Variants in NCKAP5L observed in about 807,000 individuals in gnomAD.
NCKAP5L encodes nck-associated protein 5-like.
In NCKAP5L, 54 loss-of-function variants were observed where a neutral mutation model predicts 103.2. The ratio of observed to expected loss-of-function variants is 0.52; its 90% CI spans 0.42 to 0.66. The LOEUF is 0.66. Among genes scored for constraint, NCKAP5L ranks in the 30% least tolerant of loss-of-function variants. The pLI is 0.00. For synonymous variants in NCKAP5L, 762 were observed against 748.6 expected (o/e 1.02, Z -0.29); for missense variants, 1,733 against 1,750.6 (o/e 0.99, Z 0.18).
intron 6 of NCKAP5L, 58 bp from the exon 7 acceptor site, chr12:49,798,521 C>T (rs1416623470): frequency 1.4e-6 from 2 of 1,403,586 alleles, no homozygotes; most frequent in Non-Finnish European, 2.0e-6. Context: ...TCCCTACTCC[C>T]TCGCAAAGCC....
At chr12:49,815,119 G>A (rs1030090784) in intron 1 of NCKAP5L, among the ~76,000 whole-genome samples, 1 of 152,122 alleles carries the variant, frequency 6.6e-6, no homozygotes, top group African/African-American at 2.4e-5. Flanking sequence ...TCTATTAATT[G>A]GTTTCTCCAT....
At position 49,803,938 on chromosome 12, in the gene NCKAP5L, C is replaced by T. The variant is rs747242392; in HGVS notation, c.107G>A (p.Arg36Gln). Residue 36 changes from arginine to glutamine, a missense_variant, in exon 3 of 13, where the codon CGA (arginine) becomes CAA (glutamine). Transcript: ENST00000335999. Reference sequence around the variant, plus strand: ...ATGCCGCACCTCCAGCTCCCGCAGTCGGTGCAGAAGCTCCTGGCAGGTGCC... The same window carrying T: ...ATGCCGCACCTCCAGCTCCCGCAGTTGGTGCAGAAGCTCCTGGCAGGTGCC... ...EPGTCQELLHRLRELEAENSA... is the reference protein window; with the variant it reads ...EPGTCQELLHQLRELEAENSA... The T allele has an allele frequency of 3.7e-6, 6 of 1,609,264 alleles. No homozygotes were observed. The highest frequency in any genetic ancestry group is 5.1e-6 in the Non-Finnish European group (6 of 1,179,878).
Position 49,803,714 on chromosome 12 carries a change from G to A in NCKAP5L, c.123+208C>T, listed in dbSNP as rs2720290. Among the ~76,000 whole-genome samples, 9 of 152,292 alleles carry A rather than the reference G, an allele frequency of 5.9e-5. No individual in the cohort carries two copies. The East Asian group carries it at 7.7e-4, about 13-fold the overall frequency. ...TGTGCATGCTTCTTGTCCCCGAGCCGTCACTGGGCCGGGCAGCTAAGAGCA... is the reference window on the plus strand; with the variant it reads ...TGTGCATGCTTCTTGTCCCCGAGCCATCACTGGGCCGGGCAGCTAAGAGCA... On this transcript the variant is annotated intron_variant, in intron 3 of 12. Coordinates refer to ENST00000335999, the MANE Select transcript of NCKAP5L (RefSeq NM_001037806.4).
rs554867632 is a variant in NCKAP5L at position 49,806,519 on chromosome 12, A to G, written c.-98-478T>C. On this transcript the variant is annotated intron_variant, in intron 1 of 12. Transcript: ENST00000335999. ...CACACTGTGTTTACCCAGTGTGATG[A>G]ATAGCACAGGCGCTTTCTTCCACAC... Among the ~76,000 whole-genome samples, 42 of 152,368 alleles carry G rather than the reference A, an allele frequency of 2.8e-4. No homozygotes were observed. In the South Asian group the frequency reaches 8.7e-3, roughly 32 times the overall value.
In NCKAP5L at chr12:49,792,990, G is replaced by T; in HGVS notation, c.3341-4C>A. 6.6e-7 allele frequency: 1 copy of T among 1,516,354 alleles called. No individual in the cohort carries two copies. Among genetic ancestry groups the T allele is most frequent in the East Asian group, 2.3e-5 (1 of 43,916 alleles). 93.9% of individuals were successfully genotyped at this position (1,516,354 alleles called of 1,614,324 possible). On this transcript the variant is annotated splice_region_variant and splice_polypyrimidine_tract_variant and intron_variant, in intron 10 of 12. Coordinates refer to ENST00000335999, the MANE Select transcript of NCKAP5L (RefSeq NM_001037806.4). The surrounding 1 kb of genome is among the most constrained non-coding windows in gnomAD (Gnocchi z 4.5). ...GTTCGAGTCAAGGAGCCACAGGCTG[G>T]GGAGGGGAGGGGAGGGCCCGTTAAG...
rs201751148 is a variant in NCKAP5L, at chr12:49,796,655, G to T, written c.1205C>A (p.Pro402His). Residue 402 changes from proline to histidine, a missense_variant, in exon 8 of 13, where the codon CCC becomes CAC. Transcript: ENST00000335999. ...CATGAACATGCTAAGGAAGGGGAGG[G>T]GCCCCTGGCCCTCTGAGGTAGCACC... is the stretch of plus-strand genomic sequence containing the variant. The part of the protein sequence containing the change: ...GFGATSEGQG[P>H]LPFLSMFMGA... 1.1e-4 allele frequency: 176 copies of T among 1,580,408 alleles called. No individual in the cohort carries two copies. In the African/African-American group the frequency reaches 2.0e-3, roughly 18 times the overall value.
chr12:49,796,086 G>A lies in NCKAP5L; in HGVS notation c.1774C>T (p.Pro592Ser). The A allele has an allele frequency of 6.2e-6, 10 of 1,602,410 alleles. No homozygotes were observed. Among genetic ancestry groups the A allele is most frequent in the Non-Finnish European group, 8.5e-6 (10 of 1,174,840 alleles). ...PTYPQLTLEV[P>S]QAPEVLRSPG... ...CTTCTGAGGACCTCAGGGGCCTGTG[G>A]TACCTCCAGAGTTAGCTGTGGGTAG... The change falls in exon 8 of 13, where the codon CCA becomes TCA. Residue 592 changes from proline to serine, a missense_variant. Physicochemically the swap from Pro to Ser is moderately conservative, Grantham distance 74. Transcript: ENST00000335999.
chr12:49,798,796 C>T (rs1592750868), intron 6 of NCKAP5L, among the ~76,000 whole-genome samples: 2 of 152,310 alleles, frequency 1.3e-5, no homozygotes, highest in African/African-American at 4.8e-5. Flanking sequence ...TTCCTCTCCT[C>T]TCACAAAGAG....
At chr12:49,821,565 T>G (rs1341514145) in intron 1 of NCKAP5L, among the ~76,000 whole-genome samples, 2 of 152,230 alleles carry the variant, frequency 1.3e-5, no homozygotes, top group Non-Finnish European at 2.9e-5. Flanking sequence ...CCAGCATGTG[T>G]GCCATGTCAT....
At chr12:49,823,122 T>G (rs1267571212) in intron 1 of NCKAP5L, among the ~76,000 whole-genome samples, 1 of 152,048 alleles carries the variant, frequency 6.6e-6, no homozygotes, top group Non-Finnish European at 1.5e-5. Context: ...GGCTGTGGTG[T>G]GAGCATGGTA....
chr12:49,793,994 C>T lies in NCKAP5L; in HGVS notation c.3096-98G>A, dbSNP rs1321236004. On this transcript the variant is annotated intron_variant, in intron 8 of 12. Coordinates refer to ENST00000335999, the MANE Select transcript of NCKAP5L (RefSeq NM_001037806.4). The stretch of plus-strand genomic sequence containing the variant: ...TGGTGCTGGGCTTAGGGAGGCACTT[C>T]CTGCCATCCACCCCCGGGGAAGGGG... The T allele has an allele frequency of 7.9e-6, 9 of 1,138,032 alleles. No homozygotes were observed. In the African/African-American group the frequency reaches 1.3e-4, roughly 16 times the overall value. 70.5% of individuals were successfully genotyped at this position (1,138,032 alleles called of 1,614,324 possible).
At chr12:49,817,510 AG>A (rs1246177980) in intron 1 of NCKAP5L, among the ~76,000 whole-genome samples, 2 of 152,180 alleles carry the variant, frequency 1.3e-5, no homozygotes, top group African/African-American at 4.8e-5. Flanking sequence ...GCTGAGCAAA[AG>A]TTTGTTCTTG....
chr12:49,796,116 G>C lies in NCKAP5L; in HGVS notation c.1744C>G (p.Pro582Ala). The C allele has an allele frequency of 6.2e-7, 1 of 1,610,706 alleles. No individual in the cohort carries two copies. Among genetic ancestry groups the C allele is most frequent in the Non-Finnish European group, 8.5e-7 (1 of 1,178,648 alleles). Reference sequence around the variant, plus strand: ...TCCAGAGTTAGCTGTGGGTAGGTGGGCACCTGCAGTGGGGATGGAGGTGGC... The same window carrying C: ...TCCAGAGTTAGCTGTGGGTAGGTGGCCACCTGCAGTGGGGATGGAGGTGGC... ...PEPPPSPLQV[P>A]TYPQLTLEVP... Residue 582 changes from proline (P) to alanine (A), a missense_variant, in exon 8 of 13, where the codon CCC becomes GCC. Coordinates refer to ENST00000335999, the MANE Select transcript of NCKAP5L (RefSeq NM_001037806.4).
At chr12:49,801,113 G>A (rs149985059) in intron 6 of NCKAP5L, among the ~76,000 whole-genome samples, 19 of 152,304 alleles carry the variant, frequency 1.2e-4, no homozygotes, top group African/African-American at 4.3e-4. Flanking sequence ...GGGGCTGGGG[G>A]CCAAGAGCTG....
chr12:49,817,893 C>T (rs1565596079), intron 1 of NCKAP5L, among the ~76,000 whole-genome samples: 1 of 152,178 alleles, frequency 6.6e-6, no homozygotes, highest in Non-Finnish European at 1.5e-5. Flanking sequence ...CTTTGGGAGG[C>T]CAAGGCAGGC....
chr12:49,818,832 C>A (rs1023750198), intron 1 of NCKAP5L, among the ~76,000 whole-genome samples: 7 of 152,074 alleles, frequency 4.6e-5, no homozygotes, highest in Non-Finnish European at 8.8e-5. Context: ...GAAAAGGGAA[C>A]CCTTGTACAC....
At chr12:49,806,741 C>T (rs61691368) in intron 1 of NCKAP5L, among the ~76,000 whole-genome samples, 7,281 of 152,268 alleles carry the variant, frequency 0.048, 323 homozygotes, top group African/African-American at 0.12. Flanking sequence ...ATTTAAGCTC[C>T]GTACAGCCCT....
At chr12:49,803,612 A>G (rs1365222364) in intron 3 of NCKAP5L, among the ~76,000 whole-genome samples, 13 of 151,974 alleles carry the variant, frequency 8.6e-5, no homozygotes, top group Admixed American at 6.5e-4. Context: ...GTGGCCTCTG[A>G]CCACCCCCTT....
At chr12:49,804,213 T>C (rs1206464762) in intron 2 of NCKAP5L, 133 bp from the exon 3 acceptor site, 11 of 760,928 alleles carry the variant, frequency 1.4e-5, no homozygotes, top group Non-Finnish European at 1.8e-5. Flanking sequence ...GGGTATCTCC[T>C]GGTCACGGTC....
Sources: gnomAD v4.1 joint callset for allele counts (sites outside exome capture counted in the v4.1 genomes callset) on GRCh38, gnomAD v4.1.1 for gene constraint, Gnocchi (gnomAD v3.1) non-coding constraint, MANE v1.5 for transcripts, NCBI Gene and HGNC (gene_info 2026-07-23, HGNC 2026-07-21) for gene names.